The following DENND5B variants were observed in gnomAD, a reference collection of about 807,000 sequenced individuals.
DENND5B encodes the protein DENN domain containing 5B.
DENND5B carries 34 observed loss-of-function variants against 140.6 expected under a neutral mutation model. The ratio of observed to expected loss-of-function variants is 0.24; its 90% CI spans 0.18 to 0.32. The LOEUF (loss-of-function observed/expected upper bound fraction) is 0.32. Among genes scored for constraint, DENND5B ranks in the 10% least tolerant of loss-of-function variants. The probability of loss-of-function intolerance (pLI) is 1.00; values close to 1 mark genes in which losing one functional copy is unlikely to be tolerated. For synonymous variants in DENND5B, 551 were observed against 562.1 expected (o/e 0.98, Z 0.28); for missense variants, 1,142 against 1,560.2 (o/e 0.73, Z 4.52).
chr12:31,409,613 G>A (rs1484487822), intron 13 of DENND5B, among the ~76,000 whole-genome samples: 2 of 151,636 alleles, frequency 1.3e-5, no homozygotes, highest in Non-Finnish European at 2.9e-5. Context: ...TGAGTAGCTG[G>A]GATTACAGGC....
chr12:31,439,660 T>A (rs1241981965), intron 7 of DENND5B, among the ~76,000 whole-genome samples: 1 of 152,038 alleles, frequency 6.6e-6, no homozygotes, highest in Non-Finnish European at 1.5e-5. Context: ...CCGGGTGCAG[T>A]GGCTCACGCC....
rs966098970 is a variant in DENND5B at position 31,389,938 on chromosome 12, A to G, written c.3467-440T>C. Among the ~76,000 whole-genome samples, 4 of 152,210 alleles carry G rather than the reference A, an allele frequency of 2.6e-5. No individual in the cohort carries two copies. The South Asian group carries it at 6.2e-4, about 24-fold the overall frequency. On this transcript the variant is annotated intron_variant, in intron 19 of 20. Transcript: ENST00000389082. ...AATGTACCTGAATAAGTACCTGACA[A>G]AGAGAGATATATGTATATACACATG...
At chr12:31,565,384 A>T (rs1346451551) in intron 1 of DENND5B, among the ~76,000 whole-genome samples, 1 of 152,134 alleles carries the variant, frequency 6.6e-6, no homozygotes, top group Non-Finnish European at 1.5e-5. Flanking sequence ...AAAGGAGTAA[A>T]TCTATTGAGT....
intron 7 of DENND5B, among the ~76,000 whole-genome samples, chr12:31,437,124 C>G (rs1307397179): frequency 6.8e-6 from 1 of 148,102 alleles, no homozygotes; most frequent in East Asian, 2.0e-4. Context: ...CTGGCAAAGT[C>G]TACTATAGCA....
chr12:31,447,455 T>C, intron 6 of DENND5B, 83 bp downstream of exon 6: 1 of 1,232,266 alleles, frequency 8.1e-7, no homozygotes. Context: ...TGAAAATTAA[T>C]TTTGTTGTAC....
chr12:31,405,744 T>G (rs1398189690), intron 14 of DENND5B, among the ~76,000 whole-genome samples: 1 of 151,806 alleles, frequency 6.6e-6, no homozygotes, highest in Non-Finnish European at 1.5e-5. Context: ...GACGGGGTTT[T>G]ATCATCTTGG....
rs1950599492 is a variant in DENND5B at position 31,590,949 on chromosome 12, G to A, written c.-117C>T. On this transcript the variant is annotated 5_prime_UTR_variant, in exon 1 of 21. Transcript: ENST00000389082. The stretch of plus-strand genomic sequence containing the variant: ...GCCCGCCCTAGGGCGACACTGGCGC[G>A]CCCATGGCCGCGCAGCCGCCTCTCG... 1.9e-6 allele frequency: 2 copies of A among 1,072,846 alleles called. No individual in the cohort carries two copies. Among genetic ancestry groups the A allele is most frequent in the Non-Finnish European group, 1.1e-6 (1 of 877,734 alleles). 66.5% of individuals were successfully genotyped at this position (1,072,846 alleles called of 1,614,324 possible).
chr12:31,531,234 C>T (rs1948267194), intron 1 of DENND5B, among the ~76,000 whole-genome samples: 1 of 151,978 alleles, frequency 6.6e-6, no homozygotes, highest in Non-Finnish European at 1.5e-5. Flanking sequence ...GAGTCTCGCT[C>T]TGTCACCCAG....
chr12:31,483,517 T>G (rs1246169218), intron 2 of DENND5B, among the ~76,000 whole-genome samples: 3 of 152,148 alleles, frequency 2.0e-5, no homozygotes, highest in African/African-American at 7.2e-5. Context: ...CTCGGCTCCC[T>G]GCAACCTCTG....
chr12:31,570,726 G>T (rs534968338), intron 1 of DENND5B, among the ~76,000 whole-genome samples: 5 of 151,856 alleles, frequency 3.3e-5, no homozygotes, highest in Non-Finnish European at 7.4e-5. Context: ...TAAAGAAAAT[G>T]AGAAATGCAC....
intron 1 of DENND5B, among the ~76,000 whole-genome samples, chr12:31,540,234 A>T (rs1374207052): frequency 6.6e-6 from 1 of 152,248 alleles, no homozygotes; most frequent in Non-Finnish European, 1.5e-5. Context: ...AAAAAACTGG[A>T]AAGACATTCC....
chr12:31,494,121 T>C (rs1946642117), intron 2 of DENND5B, among the ~76,000 whole-genome samples: 1 of 151,748 alleles, frequency 6.6e-6, no homozygotes, highest in South Asian at 2.1e-4. Context: ...CCTCTCAAGG[T>C]TGACTATCTC....
chr12:31,465,237 T>C (rs1945206149), intron 3 of DENND5B: 1 of 152,458 alleles, frequency 6.6e-6, no homozygotes, highest in African/African-American at 2.4e-5. Flanking sequence ...AGGAGCTGTG[T>C]CTAGCAAGGC....
intron 6 of DENND5B, 43 bp downstream of exon 6, chr12:31,447,495 G>T: frequency 6.5e-7 from 1 of 1,532,656 alleles, no homozygotes; most frequent in South Asian, 1.2e-5. Context: ...GGAAAAAAGC[G>T]ATAATGGATT....
intron 12 of DENND5B, among the ~76,000 whole-genome samples, chr12:31,414,645 C>T (rs1942626344): frequency 6.6e-6 from 1 of 151,830 alleles, no homozygotes; most frequent in African/African-American, 2.4e-5. Context: ...TTTAAGACCC[C>T]ATCTCGGCCG....
chr12:31,419,349 A>C (rs1433927769), intron 11 of DENND5B, among the ~76,000 whole-genome samples: 1 of 152,112 alleles, frequency 6.6e-6, no homozygotes, highest in African/African-American at 2.4e-5. Context: ...CTTGGGAGGC[A>C]GAGGCAGGAG....
chr12:31,519,600 T>A (rs957476926), intron 1 of DENND5B, among the ~76,000 whole-genome samples: 26 of 152,186 alleles, frequency 1.7e-4, no homozygotes, highest in Non-Finnish European at 8.8e-5. Context: ...CCATTAGGCT[T>A]CCCTAAATGC....
chr12:31,590,621 G>A, intron 1 of DENND5B, 85 bp downstream of exon 1: 2 of 1,355,292 alleles, frequency 1.5e-6, no homozygotes, highest in Admixed American at 3.7e-5. Context: ...ACTTTGTCTG[G>A]AGCCTGCACC....
intron 8 of DENND5B, chr12:31,432,281 T>A (rs1460460649): frequency 1.1e-5 from 2 of 175,004 alleles, no homozygotes; most frequent in Non-Finnish European, 1.1e-5. Flanking sequence ...GAAAATACAG[T>A]AGCCGGAAAA....
Sources: gnomAD v4.1 joint callset for allele counts (sites outside exome capture counted in the v4.1 genomes callset) on GRCh38, gnomAD v4.1.1 for gene constraint, MANE v1.5 for transcripts, NCBI Gene and HGNC (gene_info 2026-07-23, HGNC 2026-07-21) for gene names.